CASTOR2: variants seen among roughly 807,000 people sequenced by gnomAD.
The protein encoded by CASTOR2 is GATS protein like 2.
Under a neutral mutation model 31.2 loss-of-function variants are expected in CASTOR2, and 8 were observed. The ratio of observed to expected loss-of-function variants is 0.26; its 90% confidence interval spans 0.15 to 0.46. The LOEUF (loss-of-function observed/expected upper bound fraction) is 0.46. CASTOR2 is among the 20% of genes least tolerant of loss of function. The probability of loss-of-function intolerance (pLI) is 0.99; values close to 1 mark genes in which losing one functional copy is unlikely to be tolerated. For synonymous variants in CASTOR2, 162 were observed against 158.7 expected (o/e 1.02, Z -0.16); for missense variants, 216 against 382.1 (o/e 0.57, Z 3.62).
At position 75,028,187 on chromosome 7, in the gene CASTOR2, A is replaced by C; in HGVS notation, c.*3488A>C. 14 of 1,005,554 alleles carry C rather than the reference A, an allele frequency of 1.4e-5. No individual in the cohort carries two copies. The highest frequency in any genetic ancestry group is 1.8e-5 in the Non-Finnish European group (13 of 712,596). The allele number at this position is 1,005,554 out of a possible 1,614,324, so 62.3% of individuals were successfully genotyped here. A position where few individuals can be genotyped will look rare whatever the true frequency, so the allele number is the denominator to read the frequency against. On this transcript the variant is annotated 3_prime_UTR_variant, in exon 9 of 9. Transcript: ENST00000616305. ...GGCTGGAGTGCTGTGGCATGATCTC[A>C]GCTCACTGCAGCAACCTCCACTTCC...
Position 75,020,168 on chromosome 7 carries a change from T to TG in CASTOR2, c.746+21dup. 1 of 1,550,648 alleles carries TG rather than the reference T, an allele frequency of 6.4e-7. No individual in the cohort carries two copies. Among genetic ancestry groups the TG allele is most frequent in the Non-Finnish European group, 8.7e-7 (1 of 1,146,312 alleles). ...AGCAGAGGTGAGCCAGGCCCTGGGG[T>TG]GGACGTTCAACCCAGGGTGGGCCCC... On this transcript the variant is annotated intron_variant, in intron 6 of 8. Transcript: ENST00000616305.
rs1178084776 is a variant in CASTOR2 at position 75,026,188 on chromosome 7, G to GTTTTTTTT, written c.*1489_*1490insTTTTTTTT. Among the ~76,000 whole-genome samples the GTTTTTTTT allele has an allele frequency of 3.4e-4, 39 of 113,258 alleles. 1 individual carries two copies. The highest frequency in any genetic ancestry group is 4.7e-4 in the African/African-American group (14 of 30,016). 74.3% of individuals were successfully genotyped at this position (113,258 alleles called of 152,430 possible). A position where few individuals can be genotyped will look rare whatever the true frequency, so the allele number is the denominator to read the frequency against. On this transcript the variant is annotated 3_prime_UTR_variant, in exon 9 of 9. Coordinates refer to ENST00000616305, the MANE Select transcript of CASTOR2 (RefSeq NM_001145064.3). ...CCCCTGTGGTTTTGGCTCTGGCGGG[G>GTTTTTTTT]GTTTTTTTTTTTTTTTTTGAGATGG...
intron 1 of CASTOR2, among the ~76,000 whole-genome samples, chr7:74,993,994 C>T (rs1294464568): frequency 1.3e-5 from 2 of 152,196 alleles, no homozygotes; most frequent in African/African-American, 4.8e-5. Context: ...GGCCAGGGCT[C>T]CTCGCCCAGG....
chr7:75,004,926 C>T (rs1416703773), intron 1 of CASTOR2, among the ~76,000 whole-genome samples: 12 of 152,066 alleles, frequency 7.9e-5, no homozygotes, highest in East Asian at 7.7e-4. Flanking sequence ...AGTGTAGTGG[C>T]GTGATCTTGG....
chr7:74,996,526 C>G (rs1163893060), intron 1 of CASTOR2, among the ~76,000 whole-genome samples: 2 of 151,478 alleles, frequency 1.3e-5, no homozygotes, highest in Admixed American at 6.6e-5. Flanking sequence ...ACAAAACTGT[C>G]TGCATGCTTG....
intron 1 of CASTOR2, among the ~76,000 whole-genome samples, chr7:74,990,382 CAA>C (rs1229476692): frequency 7.1e-6 from 1 of 140,322 alleles, no homozygotes. Context: ...GACTCTATCT[CAA>C]AAAAAAAAAA....
intron 1 of CASTOR2, among the ~76,000 whole-genome samples, chr7:74,997,969 T>C (rs1484251119): frequency 2.0e-5 from 3 of 152,112 alleles, no homozygotes; most frequent in Admixed American, 2.0e-4. Flanking sequence ...TTTTTGTTAC[T>C]GAGAACAGGC....
chr7:74,972,512 G>A (rs1331554733), intron 1 of CASTOR2, among the ~76,000 whole-genome samples: 1 of 150,658 alleles, frequency 6.6e-6, no homozygotes, highest in South Asian at 2.1e-4. Flanking sequence ...ACACAGGCAA[G>A]TATGCAGTAA....
At chr7:75,023,190 C>G (rs1805046114) in intron 7 of CASTOR2, among the ~76,000 whole-genome samples, 1 of 152,064 alleles carries the variant, frequency 6.6e-6, no homozygotes, top group Non-Finnish European at 1.5e-5. Context: ...CGCCTGTAGT[C>G]CCAGCTACTT....
At chr7:74,973,327 A>C (rs1419472316) in intron 1 of CASTOR2, among the ~76,000 whole-genome samples, 1 of 142,846 alleles carries the variant, frequency 7.0e-6, no homozygotes, top group African/African-American at 2.6e-5. Context: ...TAGAAGCTCC[A>C]GTAAGCTTTT....
intron 1 of CASTOR2, among the ~76,000 whole-genome samples, chr7:74,965,882 ACT>A (rs1162058092): frequency 0.26 from 4,901 of 19,074 alleles, 1,545 homozygotes; most frequent in Admixed American, 0.34. Context: ...ACACACACAC[ACT>A]CTCTCTCTCT....
intron 6 of CASTOR2, 89 bp from the exon 7 acceptor site, chr7:75,021,785 A>T: frequency 6.6e-7 from 1 of 1,506,014 alleles, no homozygotes; most frequent in Non-Finnish European, 9.0e-7. Context: ...GGCCAGCCCC[A>T]TGCCTCGCTC....
chr7:74,975,955 C>A (rs1297380751), intron 1 of CASTOR2, among the ~76,000 whole-genome samples: 2 of 150,080 alleles, frequency 1.3e-5, no homozygotes, highest in African/African-American at 2.4e-5. Context: ...CATCCCACCC[C>A]CAACCGGCAG....
chr7:74,990,628 G>A (rs1385392875), intron 1 of CASTOR2, among the ~76,000 whole-genome samples: 3 of 152,200 alleles, frequency 2.0e-5, no homozygotes, highest in Non-Finnish European at 4.4e-5. Context: ...GCCAAGGCGG[G>A]TGGATCGCTT....
chr7:74,983,503 C>T (rs1347531802), intron 1 of CASTOR2, among the ~76,000 whole-genome samples: 10 of 147,492 alleles, frequency 6.8e-5, no homozygotes, highest in Non-Finnish European at 1.2e-4. Flanking sequence ...ATAGCACCCA[C>T]GTTATAGGGC....
At chr7:74,985,950 CAG>C (rs1220809083) in intron 1 of CASTOR2, among the ~76,000 whole-genome samples, 4 of 152,016 alleles carry the variant, frequency 2.6e-5, no homozygotes, top group African/African-American at 9.7e-5. Flanking sequence ...TTTTTTGAGA[CAG>C]AGTCTCACTC....
intron 1 of CASTOR2, among the ~76,000 whole-genome samples, chr7:74,981,795 G>A (rs1380741444): frequency 6.8e-6 from 1 of 146,878 alleles, no homozygotes; most frequent in Non-Finnish European, 1.5e-5. Context: ...GGCCCGGTGC[G>A]GTGGCTCACG....
rs1438090142 is a variant in CASTOR2, at chr7:75,029,111, C to T, written c.*4412C>T. On this transcript the variant is annotated 3_prime_UTR_variant, in exon 9 of 9. Transcript: ENST00000616305. The stretch of plus-strand genomic sequence containing the variant: ...AGGTCAGGAGAGAAGACTGGGAAGA[C>T]AGGAAGGGCCAGGCCCCTGTTAAAG... Among the ~76,000 whole-genome samples the T allele has an allele frequency of 2.0e-5, 3 of 152,196 alleles. No individual in the cohort carries two copies. Among genetic ancestry groups the T allele is most frequent in the African/African-American group, 7.2e-5 (3 of 41,452 alleles).
intron 1 of CASTOR2, among the ~76,000 whole-genome samples, chr7:75,003,109 G>A (rs1435709172): frequency 7.9e-5 from 12 of 152,060 alleles, no homozygotes; most frequent in Non-Finnish European, 1.6e-4. Context: ...AAGAAACACA[G>A]CAGATGTAAT....
Sources: gnomAD v4.1 joint callset for allele counts (sites outside exome capture counted in the v4.1 genomes callset) on GRCh38, gnomAD v4.1.1 for gene constraint, MANE v1.5 for transcripts, NCBI Gene and HGNC (gene_info 2026-07-23, HGNC 2026-07-21) for gene names.